The following CARNS1 variants were observed in gnomAD, a reference collection of about 807,000 sequenced individuals.
CARNS1 encodes carnosine synthase 1.
In CARNS1, 61 loss-of-function variants were observed where a neutral mutation model predicts 74.0. The observed-to-expected ratio is 0.82, with a 90% CI of 0.67 to 1.02. The LOEUF (loss-of-function observed/expected upper bound fraction) is 1.02, where lower values mean the gene tolerates loss of function less well. Among genes scored for constraint, CARNS1 ranks in the 50% least tolerant of loss-of-function variants. The pLI, the probability that CARNS1 is intolerant of heterozygous loss-of-function variation, is 0.00. For missense variants in CARNS1, 1,278 were observed against 1,308.4 expected (o/e 0.98, Z 0.36); for synonymous variants, 568 against 605.5 (o/e 0.94, Z 0.91).
At position 67,423,207 on chromosome 11, in the gene CARNS1, C is replaced by G. The variant is rs141585356; in HGVS notation, c.1627-168C>G. 3.3e-5 allele frequency among the ~76,000 whole-genome samples: 5 copies of G among 152,328 alleles called. No homozygotes were observed. In the East Asian group the frequency reaches 9.6e-4, roughly 29 times the overall value. On this transcript the variant is annotated intron_variant, in intron 9 of 9. Transcript: ENST00000687366. This position sits in a 1 kb window ranked among gnomAD's most constrained non-coding sequence, Gnocchi z 5.1. ...CTCCCCTCCGGCCTGTATCAGGTGT[C>G]CCACTTCTGCCCCTTCCATTTATTC... is the stretch of plus-strand genomic sequence containing the variant.
rs1002427577 is a variant in CARNS1, at chr11:67,421,087, G to A, written c.1494G>A (p.Ala498=). ...GGCCGGCGGCCGACGAGGCGGTGGCGGCGCCGCTGGTGGAGACCATGCTTC... is the reference window on the plus strand; with the variant it reads ...GGCCGGCGGCCGACGAGGCGGTGGCAGCGCCGCTGGTGGAGACCATGCTTC... ...RLGPAADEAV[A]APLVETMLRR... Residue 498 remains alanine (A), a synonymous_variant, in exon 9 of 10, where the codon GCG becomes GCA. Coordinates refer to ENST00000687366, the MANE Select transcript of CARNS1 (RefSeq NM_001166222.2). 9 of 1,380,762 alleles carry A rather than the reference G, an allele frequency of 6.5e-6. No individual in the cohort carries two copies. Among genetic ancestry groups the A allele is most frequent in the Middle Eastern group, 4.6e-4 (2 of 4,364 alleles). 85.5% of individuals were successfully genotyped at this position (1,380,762 alleles called of 1,614,324 possible).
intron 2 of CARNS1, chr11:67,416,414 C>T: frequency 7.1e-7 from 1 of 1,398,896 alleles, no homozygotes; most frequent in South Asian, 1.5e-5. Context: ...ATTCCATGGC[C>T]CCTCAGGGAG....
rs776219073 is a variant in CARNS1 at position 67,417,574 on chromosome 11, C to T, written c.171C>T (p.Ala57=). Residue 57 remains alanine, a synonymous_variant, in exon 3 of 10, where the codon GCC becomes GCT. Transcript: ENST00000687366. The part of the protein sequence containing the change: ...GLDCKGSPEG[A]EARAWTVYYY... ...ACTGCAAGGGATCCCCCGAGGGGGC[C>T]GAGGCCCGGGCTTGGACTGTCTACT... The T allele has an allele frequency of 3.0e-5, 41 of 1,369,970 alleles. No individual in the cohort carries two copies. Among genetic ancestry groups the T allele is most frequent in the Middle Eastern group, 1.9e-4 (1 of 5,384 alleles). The allele number at this position is 1,369,970 out of a possible 1,614,324, so 84.9% of individuals were successfully genotyped here.
intron 2 of CARNS1, chr11:67,416,494 C>A: frequency 7.8e-7 from 1 of 1,288,870 alleles, no homozygotes; most frequent in Non-Finnish European, 9.9e-7. Context: ...GGCATGAGGC[C>A]CAGTCCTCTG....
intron 2 of CARNS1, chr11:67,416,447 A>G: frequency 7.4e-7 from 1 of 1,355,978 alleles, no homozygotes; most frequent in South Asian, 1.6e-5. Flanking sequence ...GAGACGGCAC[A>G]GAGGCTCTGG....
Position 67,417,543 on chromosome 11 carries a change from G to C in CARNS1, c.140G>C (p.Gly47Ala). 7.1e-7 allele frequency: 1 copy of C among 1,409,690 alleles called. No homozygotes were observed. Among genetic ancestry groups the C allele is most frequent in the Non-Finnish European group, 9.2e-7 (1 of 1,083,886 alleles). The allele number at this position is 1,409,690 out of a possible 1,614,324, so 87.3% of individuals were successfully genotyped here. ...CCTGGCTCCTGGCGCCAGGACGTGG[G>C]CCTGGACTGCAAGGGATCCCCCGAG... ...CFPGSWRQDV[G>A]LDCKGSPEGA... Residue 47 changes from glycine (G) to alanine (A), a missense_variant, in exon 3 of 10, where the codon GGC (glycine) becomes GCC (alanine). Physicochemically the swap from Gly to Ala is moderately conservative, Grantham distance 60 (BLOSUM62 0). This residue lies in a region of CARNS1 where 104 missense variants were observed against 127.3 expected (regional missense o/e 0.82). Coordinates refer to ENST00000687366, the MANE Select transcript of CARNS1 (RefSeq NM_001166222.2).
chr11:67,423,950 C>A lies in CARNS1; in HGVS notation c.2202C>A (p.Asp734Glu). 6.2e-7 allele frequency: 1 copy of A among 1,613,598 alleles called. No individual in the cohort carries two copies. ...AGTTTGTGGAGGGCACCGAGCACGA[C>A]GTGGACCTGGTGTTGTTTGGTGGGC... is the stretch of plus-strand genomic sequence containing the variant. ...LMEFVEGTEH[D>E]VDLVLFGGRL... Residue 734 changes from aspartate (D) to glutamate (E), a missense_variant, in exon 10 of 10, where the codon GAC becomes GAA. Asp to Glu is a conservative substitution (Grantham distance 45). Transcript: ENST00000687366. This position sits in a 1 kb window ranked among gnomAD's most constrained non-coding sequence, Gnocchi z 5.1.
intron 3 of CARNS1, 96 bp downstream of exon 3, chr11:67,417,773 C>A: frequency 2.2e-6 from 2 of 910,054 alleles, no homozygotes; most frequent in Non-Finnish European, 1.4e-6. Context: ...CGGCCCCTTC[C>A]CCTAGGCTCT....
chr11:67,419,563 C>T lies in CARNS1; in HGVS notation c.929C>T (p.Ala310Val). ...WRLHPRAELG[A>V]VVDTVLALLE... ...CTGCACCCGCGGGCAGAGCTGGGTGCAGTGGTGGACACAGTGCTGGCGCTG... is the reference window on the plus strand; with the variant it reads ...CTGCACCCGCGGGCAGAGCTGGGTGTAGTGGTGGACACAGTGCTGGCGCTG... Residue 310 changes from alanine to valine, a missense_variant, in exon 6 of 10, where the codon GCA becomes GTA. Ala to Val is a moderately conservative substitution (Grantham distance 64). Coordinates refer to ENST00000687366, the MANE Select transcript of CARNS1 (RefSeq NM_001166222.2). The T allele has an allele frequency of 6.2e-7, 1 of 1,606,870 alleles. No individual in the cohort carries two copies. Among genetic ancestry groups the T allele is most frequent in the Non-Finnish European group, 8.5e-7 (1 of 1,178,368 alleles).
chr11:67,419,407 C>G, intron 5 of CARNS1, 80 bp from the exon 6 acceptor site: 1 of 1,549,244 alleles, frequency 6.5e-7, no homozygotes, highest in South Asian at 1.2e-5. Context: ...AGTTTACTCA[C>G]CGGCTCCTGT....
At position 67,418,876 on chromosome 11, in the gene CARNS1, T is replaced by G. The variant is rs1010449641; in HGVS notation, c.485T>G (p.Phe162Cys). Reference sequence around the variant, plus strand: ...AGCTTCCACCCTGGGGGCCTGACATTCCTGGATGACTTTGTCCCCCCGCGC... The same window carrying G: ...AGCTTCCACCCTGGGGGCCTGACATGCCTGGATGACTTTGTCCCCCCGCGC... ...AVSFHPGGLT[F>C]LDDFVPPRRA... Residue 162 changes from phenylalanine to cysteine, a missense_variant, in exon 5 of 10, where the codon TTC becomes TGC. This residue lies in a region of CARNS1 where 1,164 missense variants were observed against 1,156.5 expected (regional missense o/e 1.01). Coordinates refer to ENST00000687366, the MANE Select transcript of CARNS1 (RefSeq NM_001166222.2). 1.9e-6 allele frequency: 3 copies of G among 1,601,270 alleles called. No individual in the cohort carries two copies. The highest frequency in any genetic ancestry group is 2.6e-6 in the Non-Finnish European group (3 of 1,174,024).
intron 8 of CARNS1, 32 bp from the exon 9 acceptor site, chr11:67,420,907 G>A (rs1863678933): frequency 7.4e-7 from 1 of 1,354,614 alleles, no homozygotes; most frequent in Non-Finnish European, 9.5e-7. Context: ...GGTGGCTGCC[G>A]TAGCTGAGCT....
chr11:67,420,869 G>C (rs1288136204), intron 8 of CARNS1, 29 bp downstream of exon 8: 12 of 1,285,650 alleles, frequency 9.3e-6, no homozygotes, highest in Non-Finnish European at 1.2e-5. Context: ...GGCCGGGGCC[G>C]GGAGCCGAGG....
chr11:67,424,198 T>C lies in CARNS1; in HGVS notation c.2450T>C (p.Met817Thr). 1 of 1,613,800 alleles carries C rather than the reference T, an allele frequency of 6.2e-7. No individual in the cohort carries two copies. Among genetic ancestry groups the C allele is most frequent in the East Asian group, 2.2e-5 (1 of 44,872 alleles). The stretch of plus-strand genomic sequence containing the variant: ...CGGCTTATCGAGATCAACCCCCGCA[T>C]GGGTGGCTTCTACCTGCGTGATTGG... Reference protein sequence around the residue: ...GPRLIEINPRMGGFYLRDWIL... With the variant: ...GPRLIEINPRTGGFYLRDWIL... Residue 817 changes from methionine to threonine, a missense_variant, in exon 10 of 10, where the codon ATG becomes ACG. Transcript: ENST00000687366.
In CARNS1 at chr11:67,421,186, C is replaced by A; in HGVS notation, c.1593C>A (p.Phe531Leu). 6.7e-7 allele frequency: 1 copy of A among 1,493,842 alleles called. No homozygotes were observed. The highest frequency in any genetic ancestry group is 8.9e-7 in the Non-Finnish European group (1 of 1,127,640). The allele number at this position is 1,493,842 out of a possible 1,614,324, so 92.5% of individuals were successfully genotyped here. ...GCGCTGGCGGCGTCAGCAAGAAGTT[C>A]GTGTGGGAGGCGGCGCGCGACTACG... ...VVGAGGVSKK[F>L]VWEAARDYGL... Residue 531 changes from phenylalanine (F) to leucine (L), a missense_variant, in exon 9 of 10, where the codon TTC becomes TTA. Physicochemically the swap from Phe to Leu is conservative, Grantham distance 22 (BLOSUM62 0). This residue lies in a region of CARNS1 where 1,164 missense variants were observed against 1,156.5 expected (regional missense o/e 1.01). Transcript: ENST00000687366.
At chr11:67,419,727 C>A in intron 6 of CARNS1, 26 bp from the exon 7 acceptor site, 1 of 1,595,390 alleles carries the variant, frequency 6.3e-7, no homozygotes, top group Non-Finnish European at 8.5e-7. Flanking sequence ...TCTGTGCTGG[C>A]CTTAGACCTC....
At chr11:67,419,954 G>T in intron 7 of CARNS1, 116 bp downstream of exon 7, 2 of 1,043,924 alleles carry the variant, frequency 1.9e-6, no homozygotes, top group Non-Finnish European at 2.8e-6. Context: ...AAAATCCTTA[G>T]GGGGGTCGTA....
intron 9 of CARNS1, among the ~76,000 whole-genome samples, chr11:67,422,280 T>A (rs1294993327): frequency 1.4e-5 from 2 of 147,484 alleles, no homozygotes; most frequent in African/African-American, 5.1e-5. Flanking sequence ...GCCTCCTGGG[T>A]TCAAGTGATT....
chr11:67,417,596 T>C lies in CARNS1; in HGVS notation c.193T>C (p.Tyr65His). 1.5e-6 allele frequency: 2 copies of C among 1,327,668 alleles called. No homozygotes were observed. Among genetic ancestry groups the C allele is most frequent in the Non-Finnish European group, 1.9e-6 (2 of 1,038,236 alleles). The allele number at this position is 1,327,668 out of a possible 1,614,324, so 82.2% of individuals were successfully genotyped here. A position where few individuals can be genotyped will look rare whatever the true frequency, so the allele number is the denominator to read the frequency against. ...EGAEARAWTVYYYSLLQSCLQ... is the reference protein window; with the variant it reads ...EGAEARAWTVHYYSLLQSCLQ... ...GGCCGAGGCCCGGGCTTGGACTGTC[T>C]ACTACTACAGCCTCCTGCAGAGCTG... The change falls in exon 3 of 10, where the codon TAC becomes CAC. Residue 65 changes from tyrosine to histidine, a missense_variant. By Grantham distance (83) the Tyr-to-His change is moderately conservative. This residue lies in a region of CARNS1 where 104 missense variants were observed against 127.3 expected (regional missense o/e 0.82). Transcript: ENST00000687366.
Sources: gnomAD v4.1 joint callset for allele counts (sites outside exome capture counted in the v4.1 genomes callset) on GRCh38, gnomAD v4.1.1 for gene constraint, gnomAD v4.1.1 regional missense constraint, Gnocchi (gnomAD v3.1) non-coding constraint, MANE v1.5 for transcripts, NCBI Gene and HGNC (gene_info 2026-07-23, HGNC 2026-07-21) for gene names.